Variants in SCNN1A observed in about 807,000 individuals in gnomAD.
SCNN1A encodes the protein epithelial sodium channel subunit alpha.
In SCNN1A, 65 loss-of-function variants were observed where a neutral mutation model predicts 68.6. The observed-to-expected ratio is 0.95, with a 90% CI of 0.78 to 1.16. SCNN1A has a LOEUF of 1.16. Among genes scored for constraint, SCNN1A ranks in the 50% most tolerant of loss-of-function variants. The pLI, the probability that SCNN1A is intolerant of heterozygous loss-of-function variation, is 0.00. For missense variants in SCNN1A, 880 were observed against 865.9 expected (o/e 1.02, Z -0.20); for synonymous variants, 357 against 353.3 (o/e 1.01, Z -0.12).
At chr12:6,354,723 C>T (rs758272560) in intron 7 of SCNN1A, 27 bp downstream of exon 7, 1 of 1,594,726 alleles carries the variant, frequency 6.3e-7, no homozygotes, top group South Asian at 1.1e-5. Flanking sequence ...CTGGGAGTGG[C>T]TGCCACGGAA....
At chr12:6,373,884 C>T (rs1450651314) in intron 2 of SCNN1A, among the ~76,000 whole-genome samples, 1 of 152,196 alleles carries the variant, frequency 6.6e-6, no homozygotes, top group African/African-American at 2.4e-5. Flanking sequence ...ATAAATTCCC[C>T]TTCTAAACAA....
intron 1 of SCNN1A, 140 bp downstream of exon 1, chr12:6,375,365 C>G (rs1948886514): frequency 6.8e-7 from 1 of 1,463,582 alleles, no homozygotes; most frequent in Non-Finnish European, 9.0e-7. Context: ...CGAGCTGTGT[C>G]CTGATTCTGT....
intron 2 of SCNN1A, among the ~76,000 whole-genome samples, chr12:6,369,097 C>T (rs536282934): frequency 5.9e-5 from 9 of 152,156 alleles, no homozygotes; most frequent in Middle Eastern, 6.8e-3. Flanking sequence ...CCTGGCTGGG[C>T]CTCCCTTTCC....
At chr12:6,359,382 T>C (rs1433086532) in intron 4 of SCNN1A, among the ~76,000 whole-genome samples, 2 of 152,144 alleles carry the variant, frequency 1.3e-5, no homozygotes, top group African/African-American at 4.8e-5. Context: ...TGAGAGACAC[T>C]GAACGATTTT....
At chr12:6,368,337 G>T (rs1948716370) in intron 2 of SCNN1A, among the ~76,000 whole-genome samples, 1 of 152,146 alleles carries the variant, frequency 6.6e-6, no homozygotes, top group African/African-American at 2.4e-5. Flanking sequence ...ACCCGGATTG[G>T]TTACACCCCC....
chr12:6,355,726 G>C (rs754247881), intron 5 of SCNN1A, 51 bp downstream of exon 5: 9 of 1,275,126 alleles, frequency 7.1e-6, no homozygotes, highest in Non-Finnish European at 1.0e-5. Flanking sequence ...GGTAAGTACA[G>C]GTGAGTGGCT....
chr12:6,366,012 G>A (rs557567451), intron 2 of SCNN1A, among the ~76,000 whole-genome samples: 18 of 152,040 alleles, frequency 1.2e-4, no homozygotes, highest in Non-Finnish European at 2.1e-4. Context: ...GTGCCACCAC[G>A]CCCGGCTAAT....
Position 6,351,645 on chromosome 12 carries a change from A to AG in SCNN1A, c.1361-2241_1361-2240insC, listed in dbSNP as rs1239713020. On this transcript the variant is annotated intron_variant, in intron 8 of 12. Coordinates refer to ENST00000228916, the MANE Select transcript of SCNN1A (RefSeq NM_001038.6). The surrounding 1 kb of genome is among the most constrained non-coding windows in gnomAD (Gnocchi z 4.2). ...CTGTCTCCAGAAGAAAAAAAAAAAA[A>AG]AAGATTCAGAATAGGCAAATCCATA... Among the ~76,000 whole-genome samples, 1 of 152,100 alleles carries AG rather than the reference A, an allele frequency of 6.6e-6. No individual in the cohort carries two copies. Among genetic ancestry groups the AG allele is most frequent in the Admixed American group, 6.6e-5 (1 of 15,256 alleles).
chr12:6,349,725 T>A lies in SCNN1A; in HGVS notation c.1361-320A>T, dbSNP rs146646708. 2.7e-5 allele frequency: 7 copies of A among 258,800 alleles called. No individual in the cohort carries two copies. The East Asian group carries it at 6.7e-4, about 25-fold the overall frequency. The allele number at this position is 258,800 out of a possible 1,614,324, so 16.0% of individuals were successfully genotyped here. On this transcript the variant is annotated intron_variant, in intron 8 of 12. Transcript: ENST00000228916. ...CCTTGTCTCTAAAAAAAAAAATTTT[T>A]AATAAATTAATTTTTTTTTTAGACG...
chr12:6,349,303 G>A (rs187596467), intron 9 of SCNN1A, 24 bp downstream of exon 9: 30 of 1,613,388 alleles, frequency 1.9e-5, no homozygotes, highest in Admixed American at 5.0e-5. Context: ...TACCCAACCT[G>A]TACCCGGGGA....
chr12:6,349,705 T>G (rs1948339403), intron 8 of SCNN1A: 1 of 291,012 alleles, frequency 3.4e-6, no homozygotes, highest in African/African-American at 2.2e-5. Flanking sequence ...TGAGACCTTG[T>G]CTCTAAAAAA....
Position 6,351,632 on chromosome 12 carries a change from G to GA in SCNN1A, c.1361-2228dup, listed in dbSNP as rs113665669. On this transcript the variant is annotated intron_variant, in intron 8 of 12. Transcript: ENST00000228916. The surrounding 1 kb of genome is among the most constrained non-coding windows in gnomAD (Gnocchi z 4.2). ...ACAGAGGGAGATTCTGTCTCCAGAA[G>GA]AAAAAAAAAAAAAAAGATTCAGAAT... 5.1e-3 allele frequency among the ~76,000 whole-genome samples: 492 copies of GA among 97,352 alleles called. No individual in the cohort carries two copies. The highest frequency in any genetic ancestry group is 0.027 in the Middle Eastern group (5 of 186). 63.9% of individuals were successfully genotyped at this position (97,352 alleles called of 152,430 possible).
intron 2 of SCNN1A, among the ~76,000 whole-genome samples, chr12:6,365,320 C>T (rs1948658179): frequency 6.6e-6 from 1 of 152,080 alleles, no homozygotes; most frequent in Non-Finnish European, 1.5e-5. Context: ...TGCACCCGGC[C>T]CCAGCAGGTA....
intron 2 of SCNN1A, chr12:6,363,924 C>T (rs997304800): frequency 4.3e-6 from 2 of 469,586 alleles, no homozygotes; most frequent in African/African-American, 4.1e-5. Flanking sequence ...CGAGCCCAGC[C>T]GGGACACTGT....
chr12:6,367,918 A>G (rs1219912673), intron 2 of SCNN1A, among the ~76,000 whole-genome samples: 1 of 152,110 alleles, frequency 6.6e-6, no homozygotes, highest in Non-Finnish European at 1.5e-5. Flanking sequence ...TTCCATCTCT[A>G]CCAGAAAAGT....
chr12:6,353,834 C>T (rs1414570455), intron 8 of SCNN1A: 1 of 148,630 alleles, frequency 6.7e-6, no homozygotes, highest in African/African-American at 2.5e-5. Context: ...CGTGATCCGC[C>T]CGCCGTGGCC....
At chr12:6,361,011 G>C (rs146485384) in intron 4 of SCNN1A, among the ~76,000 whole-genome samples, 2 of 152,298 alleles carry the variant, frequency 1.3e-5, no homozygotes, top group East Asian at 3.9e-4. Context: ...GTGCCCTCAC[G>C]TTTGTATCTC....
chr12:6,377,072 G>A, upstream of SCNN1A: 1 of 553,628 alleles, frequency 1.8e-6, no homozygotes, highest in East Asian at 3.0e-5. Context: ...CCCAGAGAAG[G>A]TGTCATCTCT....
At chr12:6,363,137 A>T (rs1048044825) in intron 3 of SCNN1A, among the ~76,000 whole-genome samples, 4 of 138,982 alleles carry the variant, frequency 2.9e-5, no homozygotes, top group Non-Finnish European at 3.1e-5. Context: ...AAACAGTAAA[A>T]CAATAATAAT....
Sources: gnomAD v4.1 joint callset for allele counts (sites outside exome capture counted in the v4.1 genomes callset) on GRCh38, gnomAD v4.1.1 for gene constraint, Gnocchi (gnomAD v3.1) non-coding constraint, MANE v1.5 for transcripts, NCBI Gene and HGNC (gene_info 2026-07-23, HGNC 2026-07-21) for gene names.